Variants in PRSS53 observed in about 807,000 individuals in gnomAD.
PRSS53 encodes the protein serine protease 53, also known as EDTP308.
A neutral mutation model predicts 62.7 loss-of-function variants in PRSS53; 54 were observed. The observed-to-expected ratio is 0.86, with a 90% CI of 0.69 to 1.08. The LOEUF is 1.08. PRSS53 is among the 50% of genes least tolerant of loss of function. The pLI is 0.00. For synonymous variants in PRSS53, 273 were observed against 300.0 expected (o/e 0.91, Z 0.93); for missense variants, 688 against 728.3 (o/e 0.94, Z 0.64).
chr16:31,083,461 GT>G, exon 11 of PRSS53: 1 of 1,309,472 alleles, frequency 7.6e-7, no homozygotes, highest in Non-Finnish European at 9.8e-7. Flanking sequence ...ATTTATTTAA[GT>G]TTAAAAAAAG....
exon 7 of PRSS53, chr16:31,085,232 G>T: frequency 6.3e-7 from 1 of 1,593,666 alleles, no homozygotes; most frequent in Non-Finnish European, 8.5e-7. Context: ...CTCCTGCCTG[G>T]GGACCTGCTG....
At chr16:31,087,737 T>G (rs541508798) in intron 2 of PRSS53, 38 bp from the exon 3 acceptor site, 15 of 1,614,092 alleles carry the variant, frequency 9.3e-6, no homozygotes, top group Non-Finnish European at 1.3e-5. Context: ...AGCAGATACC[T>G]GTCCTGACCT....
At chr16:31,088,708 GCCC>G (rs780217890) in intron 1 of PRSS53, 41 bp downstream of exon 1, 21 of 1,611,138 alleles carry the variant, frequency 1.3e-5, no homozygotes, top group Admixed American at 8.3e-5. Context: ...TGGCCCCTGA[GCCC>G]CCACCAGGCC....
At chr16:31,087,286 T>C in intron 3 of PRSS53, 2 of 569,826 alleles carry the variant, frequency 3.5e-6, no homozygotes, top group Admixed American at 3.2e-5. Context: ...CGTGAGCTAC[T>C]GTGCCCGGCC....
At chr16:31,084,279 C>T (rs2057203289) in exon 10 of PRSS53, 2 of 1,612,776 alleles carry the variant, frequency 1.2e-6, no homozygotes, top group African/African-American at 2.7e-5. Flanking sequence ...AGCTGTGCAG[C>T]CCGGCCAGGA....
intron 9 of PRSS53, 101 bp downstream of exon 9, chr16:31,084,450 CAGGTGGG>C: frequency 6.7e-7 from 1 of 1,496,980 alleles, no homozygotes. Flanking sequence ...GGCTTAGTTT[CAGGTGGG>C]AGGTGGGTCC....
At chr16:31,085,086 A>T in intron 7 of PRSS53, 24 bp downstream of exon 7, 1 of 1,612,970 alleles carries the variant, frequency 6.2e-7, no homozygotes, top group Non-Finnish European at 8.5e-7. Context: ...CAGGGGGCAC[A>T]GCAGAGAGGG....
At chr16:31,083,868 C>T (rs775305793) in intron 10 of PRSS53, 59 bp from the exon 11 acceptor site, 6 of 1,607,238 alleles carry the variant, frequency 3.7e-6, no homozygotes, top group African/African-American at 1.4e-5. Flanking sequence ...GTCCCTCCCT[C>T]CCTCCCCATT....
At position 31,086,035 on chromosome 16, in the gene PRSS53, C is replaced by G. The variant is rs752789605; in HGVS notation, c.812G>C (p.Arg271Pro). The change falls in exon 6 of 11, where the codon CGA becomes CCA. Residue 271 changes from arginine to proline, a missense_variant. Coordinates refer to ENST00000280606, the Ensembl canonical transcript of PRSS53. ...GGCCAGGAAAGCTGCCCCCTGAACT[C>G]GAGCCTGCAGCCAGGAACTGTGAGC... 1.2e-6 allele frequency: 2 copies of G among 1,614,032 alleles called. No individual in the cohort carries two copies. Among genetic ancestry groups the G allele is most frequent in the East Asian group, 2.2e-5 (1 of 44,872 alleles).
rs199799946 is a variant in PRSS53 at position 31,087,868 on chromosome 16, C to A, written c.59-42G>T. ...ACAGGTAAGATGCAGGGACTCCAGG[C>A]CTGCCTAGCTTTGGGGAGGAGAGGG... On this transcript the variant is annotated intron_variant, in intron 1 of 10. Coordinates refer to ENST00000280606, the Ensembl canonical transcript of PRSS53. 9 of 1,612,156 alleles carry A rather than the reference C, an allele frequency of 5.6e-6. No homozygotes were observed. The East Asian group carries it at 2.0e-4, about 36-fold the overall frequency.
chr16:31,087,421 C>A, intron 3 of PRSS53, 116 bp downstream of exon 3: 1 of 721,500 alleles, frequency 1.4e-6, no homozygotes. Flanking sequence ...ATGGCAGATT[C>A]TCAGTAAATG....
chr16:31,086,564 T>A, intron 4 of PRSS53, 69 bp downstream of exon 4: 1 of 1,563,668 alleles, frequency 6.4e-7, no homozygotes, highest in Admixed American at 1.8e-5. Context: ...CCAGGACAGT[T>A]GGGAGCTGAG....
exon 8 of PRSS53, chr16:31,084,843 G>T (rs7199949): frequency 1.3e-6 from 2 of 1,550,860 alleles, no homozygotes; most frequent in African/African-American, 1.4e-5. Flanking sequence ...TGGTGGTCAG[G>T]ATAGGGCAGG....
exon 4 of PRSS53, chr16:31,086,716 G>T: frequency 6.3e-7 from 1 of 1,581,396 alleles, no homozygotes; most frequent in Non-Finnish European, 8.6e-7. Flanking sequence ...CAGGCAGAGG[G>T]GTGTGTGGGT....
chr16:31,084,735 C>G, intron 8 of PRSS53, 32 bp from the exon 9 acceptor site: 1 of 1,599,506 alleles, frequency 6.3e-7, no homozygotes, highest in Non-Finnish European at 8.5e-7. Context: ...GCTGCCCCGG[C>G]CTGCAGGTTG....
chr16:31,088,741 T>C lies in PRSS53; in HGVS notation c.58+11A>G. 1 of 1,613,198 alleles carries C rather than the reference T, an allele frequency of 6.2e-7. No homozygotes were observed. On this transcript the variant is annotated intron_variant, in intron 1 of 10. Coordinates refer to ENST00000280606, the Ensembl canonical transcript of PRSS53. ...CAGGCCACACCCATACCCCAGCACA[T>C]GGCGGCTTACCCTCCATGAGGACTG...
chr16:31,085,986 C>G, exon 6 of PRSS53: 1 of 1,614,004 alleles, frequency 6.2e-7, no homozygotes, highest in Non-Finnish European at 8.5e-7. Flanking sequence ...CCTCATCACT[C>G]ATCTCCGGGG....
chr16:31,083,450 AATTT>A (rs1312548225), exon 11 of PRSS53: 4 of 1,305,464 alleles, frequency 3.1e-6, no homozygotes, highest in African/African-American at 1.5e-5. Flanking sequence ...ATTTTGTAAC[AATTT>A]ATTTAAGTTT....
chr16:31,086,867 C>G (rs2057240664), exon 4 of PRSS53: 1 of 1,604,388 alleles, frequency 6.2e-7, no homozygotes, highest in Non-Finnish European at 8.5e-7. Context: ...CCCAGGACCA[C>G]TGACCAGGAA....
Sources: gnomAD v4.1 joint callset for allele counts on GRCh38, gnomAD v4.1.1 for gene constraint, MANE v1.5 for transcripts, NCBI Gene and HGNC (gene_info 2026-07-23, HGNC 2026-07-21) for gene names.